The following NCKAP5 variants were observed in gnomAD, a reference collection of about 807,000 sequenced individuals.
The protein encoded by NCKAP5 is nck-associated protein 5.
NCKAP5 carries 92 observed loss-of-function variants against 167.0 expected under a neutral mutation model. The observed-to-expected ratio is 0.55, with a 90% CI of 0.47 to 0.66. NCKAP5 has a LOEUF of 0.66. Ranked by LOEUF, NCKAP5 falls within the 30% of genes least tolerant of loss-of-function variation. The pLI, the probability that NCKAP5 is intolerant of heterozygous loss-of-function variation, is 0.00. For missense variants in NCKAP5, 2,378 were observed against 2,315.0 expected (o/e 1.03, Z -0.56); for synonymous variants, 891 against 877.4 (o/e 1.02, Z -0.27).
chr2:133,223,807 G>A (rs2086765284), intron 4 of NCKAP5, among the ~76,000 whole-genome samples: 1 of 152,062 alleles, frequency 6.6e-6, no homozygotes, highest in African/African-American at 2.4e-5. Flanking sequence ...CAGTCAGCAG[G>A]AAACTCAACA....
chr2:132,850,691 CA>C, intron 11 of NCKAP5, among the ~76,000 whole-genome samples: 1 of 152,044 alleles, frequency 6.6e-6, no homozygotes, highest in East Asian at 1.9e-4. Flanking sequence ...TAGTACAGCA[CA>C]TGTTAACCTG....
intron 3 of NCKAP5, among the ~76,000 whole-genome samples, chr2:133,363,073 C>T (rs113267120): frequency 0.013 from 1,999 of 152,106 alleles, 40 homozygotes; most frequent in African/African-American, 0.045. Context: ...GCCATAATCA[C>T]GTATTTCTTG....
rs1683944790 is a variant in NCKAP5 at position 132,790,180 on chromosome 2, G to C, written c.935C>G (p.Ala312Gly). The C allele has an allele frequency of 6.2e-7, 1 of 1,613,108 alleles. No individual in the cohort carries two copies. Among genetic ancestry groups the C allele is most frequent in the African/African-American group, 1.3e-5 (1 of 74,876 alleles). The change falls in exon 13 of 20, where the codon GCC (alanine) becomes GGC (glycine). Residue 312 changes from alanine (A) to glycine (G), a missense_variant. Around this residue, in one of 3 missense-constraint regions of NCKAP5, gnomAD observed 1,049 missense variants for 1,023.4 expected, o/e 1.02. Coordinates refer to ENST00000409261, the MANE Select transcript of NCKAP5 (RefSeq NM_207363.3). ...AGCCCCCAAGCCAGGGCATTTCAAG[G>C]CCGATTTTGTATTTAGTTGGTGTTC... ...VHEHQLNTKS[A>G]LKCPGLGAVI...
At chr2:132,771,008 T>C (rs1300906084) in intron 16 of NCKAP5, among the ~76,000 whole-genome samples, 3 of 152,222 alleles carry the variant, frequency 2.0e-5, no homozygotes, top group Non-Finnish European at 4.4e-5. Context: ...TTGATAATGA[T>C]AATAAGTGAC....
chr2:133,526,711 CT>C (rs1684955930), intron 2 of NCKAP5, among the ~76,000 whole-genome samples: 1 of 152,186 alleles, frequency 6.6e-6, no homozygotes, highest in Non-Finnish European at 1.5e-5. Context: ...CACCACCACT[CT>C]TTCTTTCTTT....
chr2:133,456,291 G>C (rs138724064), intron 3 of NCKAP5, among the ~76,000 whole-genome samples: 1 of 152,302 alleles, frequency 6.6e-6, no homozygotes, highest in African/African-American at 2.4e-5. Flanking sequence ...TATGATGTAA[G>C]TAGGAGGCAC....
At chr2:133,483,294 C>T (rs143816735) in intron 3 of NCKAP5, among the ~76,000 whole-genome samples, 4 of 152,152 alleles carry the variant, frequency 2.6e-5, no homozygotes, top group African/African-American at 9.7e-5. Context: ...CTTTTACTGT[C>T]ATGATTTCAC....
chr2:133,042,584 T>A (rs2079251094), intron 6 of NCKAP5, among the ~76,000 whole-genome samples: 1 of 152,236 alleles, frequency 6.6e-6, no homozygotes, highest in Non-Finnish European at 1.5e-5. Flanking sequence ...TTGCTCTATA[T>A]TAACATGCCA....
chr2:133,195,247 T>C (rs1356707749), intron 5 of NCKAP5, among the ~76,000 whole-genome samples: 1 of 152,136 alleles, frequency 6.6e-6, no homozygotes, highest in Non-Finnish European at 1.5e-5. Context: ...TAGGTTCTTC[T>C]AAAAAGTGTG....
chr2:133,152,815 G>T (rs1206817634), intron 5 of NCKAP5, among the ~76,000 whole-genome samples: 1 of 152,060 alleles, frequency 6.6e-6, no homozygotes, highest in African/African-American at 2.4e-5. Flanking sequence ...GTACCTTTTT[G>T]TGTTTAGATA....
the NCKAP5 span, among the ~76,000 whole-genome samples, chr2:133,660,003 A>G: frequency 6.6e-6 from 1 of 152,228 alleles, no homozygotes; most frequent in Non-Finnish European, 1.5e-5. Flanking sequence ...TATTGGAGAT[A>G]GCACGACCAA....
intron 4 of NCKAP5, among the ~76,000 whole-genome samples, chr2:133,271,590 G>A: frequency 6.6e-6 from 1 of 152,144 alleles, no homozygotes. Context: ...GCGGAATATG[G>A]AACTTGCTAG....
chr2:133,034,257 T>C (rs1301337364), intron 6 of NCKAP5, among the ~76,000 whole-genome samples: 2 of 152,090 alleles, frequency 1.3e-5, no homozygotes, highest in Non-Finnish European at 2.9e-5. Context: ...TAGAATAGTA[T>C]ATCCATTGAA....
chr2:132,836,348 C>T (rs905093596), intron 11 of NCKAP5, among the ~76,000 whole-genome samples: 7 of 151,988 alleles, frequency 4.6e-5, no homozygotes, highest in African/African-American at 1.5e-4. Flanking sequence ...ACTGATTGCA[C>T]GGCTGACTAA....
intron 6 of NCKAP5, among the ~76,000 whole-genome samples, chr2:133,025,827 A>T (rs1239457996): frequency 6.6e-6 from 1 of 152,200 alleles, no homozygotes; most frequent in Non-Finnish European, 1.5e-5. Context: ...ATATTATTTT[A>T]AAAAATTTTT....
intron 8 of NCKAP5, among the ~76,000 whole-genome samples, chr2:132,954,258 C>T (rs562185522): frequency 1.3e-4 from 20 of 152,172 alleles, no homozygotes; most frequent in African/African-American, 3.1e-4. Flanking sequence ...TTTCAGCAGC[C>T]CACGGACCCT....
At chr2:132,776,280 T>A (rs1328903865) in intron 15 of NCKAP5, among the ~76,000 whole-genome samples, 1 of 152,238 alleles carries the variant, frequency 6.6e-6, no homozygotes. Flanking sequence ...CATGTGTGTG[T>A]GTATAATTCT....
At chr2:133,460,011 G>A (rs1692105480) in intron 3 of NCKAP5, among the ~76,000 whole-genome samples, 1 of 152,150 alleles carries the variant, frequency 6.6e-6, no homozygotes, top group South Asian at 2.1e-4. Flanking sequence ...ACTCGCATCA[G>A]TTCATTTTTC....
chr2:133,282,696 G>A (rs1273548720), intron 4 of NCKAP5, among the ~76,000 whole-genome samples: 2 of 152,066 alleles, frequency 1.3e-5, no homozygotes, highest in Admixed American at 6.6e-5. Context: ...TCTAATCTGT[G>A]GTTTAGAAGG....
Sources: gnomAD v4.1 joint callset for allele counts (sites outside exome capture counted in the v4.1 genomes callset) on GRCh38, gnomAD v4.1.1 for gene constraint, gnomAD v4.1.1 regional missense constraint, MANE v1.5 for transcripts, NCBI Gene and HGNC (gene_info 2026-07-23, HGNC 2026-07-21) for gene names.